DNER: variants seen among roughly 807,000 people sequenced by gnomAD.
DNER encodes the protein delta/notch like EGF repeat containing.
In DNER, 33 loss-of-function variants were observed where a neutral mutation model predicts 78.2. The ratio of observed to expected loss-of-function variants is 0.42; its 90% CI spans 0.32 to 0.56. DNER has a LOEUF of 0.56. DNER is among the 20% of genes least tolerant of loss of function. The pLI is 0.11. For missense variants in DNER, 918 were observed against 975.3 expected, an observed-to-expected ratio of 0.94 and a Z score of 0.78; for synonymous variants, 417 against 384.8, an observed-to-expected ratio of 1.08 and a Z score of -0.98.
chr2:229,670,793 A>C (rs1462044285), intron 1 of DNER, among the ~76,000 whole-genome samples: 1 of 152,208 alleles, frequency 6.6e-6, no homozygotes, highest in East Asian at 1.9e-4. Context: ...AGCTCCGTAA[A>C]TGTGGCTACT....
intron 4 of DNER, among the ~76,000 whole-genome samples, chr2:229,563,551 ATCATCG>A (rs1697015762): frequency 6.8e-6 from 1 of 146,496 alleles, no homozygotes; most frequent in Non-Finnish European, 1.5e-5. Context: ...CCCCATCACC[ATCATCG>A]TCATCATCCT....
At chr2:229,473,665 G>A (rs182622676) in intron 7 of DNER, among the ~76,000 whole-genome samples, 69 of 152,298 alleles carry the variant, frequency 4.5e-4, no homozygotes, top group African/African-American at 1.4e-3. Flanking sequence ...CGTAGGAAAG[G>A]TGTTGGAATT....
At chr2:229,418,291 C>A in intron 8 of DNER, 61 bp from the exon 9 acceptor site, 1 of 1,607,208 alleles carries the variant, frequency 6.2e-7, no homozygotes, top group African/African-American at 1.3e-5. Flanking sequence ...CACGCGGGAC[C>A]AGCCTGCAAG....
intron 1 of DNER, among the ~76,000 whole-genome samples, chr2:229,687,769 T>C (rs540177181): frequency 6.6e-6 from 1 of 152,248 alleles, no homozygotes; most frequent in African/African-American, 2.4e-5. Context: ...CACAACATTT[T>C]AATATCTGTA....
intron 1 of DNER, among the ~76,000 whole-genome samples, chr2:229,659,093 A>C (rs148106801): frequency 3.9e-4 from 60 of 152,316 alleles, no homozygotes; most frequent in African/African-American, 1.4e-3. Context: ...TTGATGAAGA[A>C]AACTACAGCT....
intron 1 of DNER, among the ~76,000 whole-genome samples, chr2:229,623,193 C>A (rs1001728475): frequency 6.6e-6 from 1 of 152,272 alleles, no homozygotes; most frequent in Middle Eastern, 3.4e-3. Flanking sequence ...AAAGCTCCCC[C>A]TCGCCCTACG....
chr2:229,373,803 G>T (rs1343720102), intron 11 of DNER, among the ~76,000 whole-genome samples: 3 of 152,180 alleles, frequency 2.0e-5, no homozygotes, highest in African/African-American at 4.8e-5. Flanking sequence ...TATGGATGCA[G>T]TTGAAGGCCA....
chr2:229,545,054 A>C (rs186044821), intron 5 of DNER, among the ~76,000 whole-genome samples: 37 of 152,304 alleles, frequency 2.4e-4, no homozygotes, highest in African/African-American at 8.4e-4. Flanking sequence ...AATCTCAAAC[A>C]AACCATGCTC....
chr2:229,586,715 T>A (rs1697509663), intron 3 of DNER: 5 of 985,172 alleles, frequency 5.1e-6, no homozygotes, highest in East Asian at 2.3e-4. Context: ...TGTCTCCTTC[T>A]CCACCTTGGA....
At chr2:229,523,128 A>G (rs181257592) in intron 5 of DNER, among the ~76,000 whole-genome samples, 38 of 152,106 alleles carry the variant, frequency 2.5e-4, no homozygotes, top group African/African-American at 8.7e-4. Flanking sequence ...GAAGGGGGTG[A>G]CCCCCTAAGG....
chr2:229,575,779 A>G (rs1314369915), intron 4 of DNER, among the ~76,000 whole-genome samples: 2 of 152,224 alleles, frequency 1.3e-5, no homozygotes, highest in Non-Finnish European at 2.9e-5. Flanking sequence ...CATGCTGACC[A>G]TGACAATATT....
chr2:229,418,737 T>C (rs1427012617), intron 8 of DNER, among the ~76,000 whole-genome samples: 1 of 151,864 alleles, frequency 6.6e-6, no homozygotes, highest in Non-Finnish European at 1.5e-5. Flanking sequence ...CTGGCCAACA[T>C]GGTGAAACTC....
intron 1 of DNER, among the ~76,000 whole-genome samples, chr2:229,676,648 A>T (rs1699305440): frequency 6.6e-6 from 1 of 152,112 alleles, no homozygotes; most frequent in African/African-American, 2.4e-5. Context: ...GCACAATTAG[A>T]TGGGAGATCT....
intron 4 of DNER, 105 bp from the exon 5 acceptor site, chr2:229,547,197 T>C: frequency 6.8e-7 from 1 of 1,460,706 alleles, no homozygotes; most frequent in South Asian, 1.4e-5. Context: ...GAATTTAGTG[T>C]AGGCAGCACT....
chr2:229,456,245 C>T (rs1694570044), intron 7 of DNER, among the ~76,000 whole-genome samples: 1 of 151,610 alleles, frequency 6.6e-6, no homozygotes, highest in Non-Finnish European at 1.5e-5. Flanking sequence ...GCAGGAGGTG[C>T]CACACACTTG....
chr2:229,527,800 A>G (rs1050595116), intron 5 of DNER, among the ~76,000 whole-genome samples: 5 of 152,202 alleles, frequency 3.3e-5, no homozygotes, highest in African/African-American at 9.6e-5. Flanking sequence ...TAGAAGACCT[A>G]TGTATCAGCT....
At chr2:229,399,411 A>G (rs759847916) in intron 10 of DNER, among the ~76,000 whole-genome samples, 2 of 151,954 alleles carry the variant, frequency 1.3e-5, no homozygotes, top group Non-Finnish European at 2.9e-5. Context: ...AAATAAGTGG[A>G]GAGTCACACT....
chr2:229,456,799 C>T (rs957672214), intron 7 of DNER, among the ~76,000 whole-genome samples: 1 of 151,994 alleles, frequency 6.6e-6, no homozygotes, highest in Non-Finnish European at 1.5e-5. Flanking sequence ...TGGTGAAAAA[C>T]ATCTACCCAT....
intron 5 of DNER, among the ~76,000 whole-genome samples, chr2:229,538,109 G>C (rs1302438508): frequency 6.6e-6 from 1 of 152,060 alleles, no homozygotes; most frequent in African/African-American, 2.4e-5. Flanking sequence ...GATCTCTATG[G>C]TTAATGTGTT....
Sources: gnomAD v4.1 joint callset for allele counts (sites outside exome capture counted in the v4.1 genomes callset) on GRCh38, gnomAD v4.1.1 for gene constraint, MANE v1.5 for transcripts, NCBI Gene and HGNC (gene_info 2026-07-23, HGNC 2026-07-21) for gene names.